The following CUX1 variants were observed in gnomAD, a reference collection of about 807,000 sequenced individuals.
The protein encoded by CUX1 is protein CASP.
CUX1 carries 31 observed loss-of-function variants against 158.8 expected under a neutral mutation model. That is an observed-to-expected ratio of 0.20 (90% CI 0.15 to 0.26). The LOEUF (loss-of-function observed/expected upper bound fraction) is 0.26, where lower values mean the gene tolerates loss of function less well. CUX1 is among the 10% of genes least tolerant of loss of function. The pLI, the probability that CUX1 is intolerant of heterozygous loss-of-function variation, is 1.00. For missense variants in CUX1, 1,589 were observed against 2,014.6 expected (o/e 0.79, Z 4.04); for synonymous variants, 879 against 862.1 (o/e 1.02, Z -0.34).
At chr7:102,071,286 A>G (rs2130593163) in intron 4 of CUX1, among the ~76,000 whole-genome samples, 1 of 152,280 alleles carries the variant, frequency 6.6e-6, no homozygotes, top group African/African-American at 2.4e-5. Context: ...GAGGGATTGA[A>G]GAATTAAAAT....
At position 101,821,629 on chromosome 7, in the gene CUX1, T is replaced by C. The variant is rs199913979; in HGVS notation, c.30+3960T>C. ...CTGGGATTACAGGCGTGAGCCACCG[T>C]GCCCGGCCCCTATTTTCTTTTCTTT... On this transcript the variant is annotated intron_variant, in intron 1 of 23. Coordinates refer to ENST00000292535, the MANE Select transcript of CUX1 (RefSeq NM_181552.4). Among the ~76,000 whole-genome samples, 358 of 146,212 alleles carry C rather than the reference T, an allele frequency of 2.4e-3. 2 individuals carry two copies. Among genetic ancestry groups the C allele is most frequent in the East Asian group, 0.021 (97 of 4,708 alleles).
At chr7:101,873,179 T>C (rs1798767340) in intron 1 of CUX1, among the ~76,000 whole-genome samples, 2 of 66,720 alleles carry the variant, frequency 3.0e-5, no homozygotes, top group South Asian at 4.0e-4. Flanking sequence ...CCTCAGCTTC[T>C]TTTTTTTTTT....
In CUX1 at chr7:102,217,129, G is replaced by A. The variant is rs543066829; in HGVS notation, c.3131-10238G>A. On this transcript the variant is annotated intron_variant, in intron 20 of 23. Coordinates refer to ENST00000292535, the MANE Select transcript of CUX1 (RefSeq NM_181552.4). The stretch of plus-strand genomic sequence containing the variant: ...TAAATCAGTATGGATCTGCAGAAAA[G>A]CCGGAACAAGGCGAGCCTGTGCCCC... 2.6e-5 allele frequency among the ~76,000 whole-genome samples: 4 copies of A among 152,350 alleles called. No homozygotes were observed. The South Asian group carries it at 8.3e-4, about 32-fold the overall frequency.
At chr7:101,874,802 G>A (rs1309631764) in intron 1 of CUX1, among the ~76,000 whole-genome samples, 2 of 152,214 alleles carry the variant, frequency 1.3e-5, no homozygotes, top group African/African-American at 2.4e-5. Flanking sequence ...AGGGTACCAC[G>A]TGGTTGATAC....
At chr7:102,106,737 A>G (rs75626079) in intron 6 of CUX1, among the ~76,000 whole-genome samples, 6 of 152,110 alleles carry the variant, frequency 3.9e-5, no homozygotes, top group Non-Finnish European at 1.5e-5. Flanking sequence ...GGGCAGTCCT[A>G]CCTCACGAGA....
At chr7:101,982,190 A>T (rs1338392218) in intron 2 of CUX1, among the ~76,000 whole-genome samples, 1 of 152,204 alleles carries the variant, frequency 6.6e-6, no homozygotes, top group African/African-American at 2.4e-5. Flanking sequence ...GTTTCCCCTG[A>T]GAGCTTTCTC....
At chr7:102,100,019 C>T (rs1000591671) in intron 5 of CUX1, among the ~76,000 whole-genome samples, 1 of 152,130 alleles carries the variant, frequency 6.6e-6, no homozygotes, top group Non-Finnish European at 1.5e-5. Context: ...GCGACTCACG[C>T]CTATAATCCC....
chr7:102,226,505 C>A (rs1330981390), intron 20 of CUX1, among the ~76,000 whole-genome samples: 3 of 152,182 alleles, frequency 2.0e-5, no homozygotes, highest in African/African-American at 4.8e-5. Flanking sequence ...CACTGCACTC[C>A]AGCCTGGGCC....
chr7:102,236,720 C>A (rs1209229523), intron 22 of CUX1, among the ~76,000 whole-genome samples: 1 of 152,230 alleles, frequency 6.6e-6, no homozygotes, highest in Non-Finnish European at 1.5e-5. Context: ...GGAGGCAGCC[C>A]TCAGCCCTTA....
chr7:101,877,928 C>CAA (rs1200346666), intron 1 of CUX1, among the ~76,000 whole-genome samples: 43 of 152,262 alleles, frequency 2.8e-4, no homozygotes, highest in African/African-American at 1.0e-3. Context: ...GACACAGGTG[C>CAA]AAGCTTATCT....
chr7:102,277,933 G>GCGTT, intron 17 of CUX1: 1 of 799,644 alleles, frequency 1.3e-6, no homozygotes, highest in Non-Finnish European at 1.8e-6. Flanking sequence ...CCCTTTCCTT[G>GCGTT]CCCCTCCCCC....
chr7:102,235,335 G>A (rs1799437282), intron 22 of CUX1, among the ~76,000 whole-genome samples: 1 of 152,202 alleles, frequency 6.6e-6, no homozygotes, highest in Non-Finnish European at 1.5e-5. Flanking sequence ...CTGGGAACCA[G>A]CTGCTGCCGG....
chr7:102,110,916 A>G (rs1249867976), intron 6 of CUX1, among the ~76,000 whole-genome samples: 1 of 152,148 alleles, frequency 6.6e-6, no homozygotes, highest in Non-Finnish European at 1.5e-5. Flanking sequence ...GTCATATTTG[A>G]TTACATCCCT....
In CUX1 at chr7:101,997,069, C is replaced by T. The variant is rs529744873; in HGVS notation, c.142-31029C>T. Among the ~76,000 whole-genome samples, 177 of 152,244 alleles carry T rather than the reference C, an allele frequency of 1.2e-3. 6 individuals are homozygous for T. The highest frequency in any genetic ancestry group is 4.1e-3 in the African/African-American group (172 of 41,496). On this transcript the variant is annotated intron_variant, in intron 2 of 23. Coordinates refer to ENST00000292535, the MANE Select transcript of CUX1 (RefSeq NM_181552.4). The stretch of plus-strand genomic sequence containing the variant: ...TGTCTTGTGTCCTCTGACCGCCCAT[C>T]AGGGCCTGCCCATGGGGCTCTGTCT...
At chr7:102,161,844 G>A (rs1208267129) in intron 9 of CUX1, among the ~76,000 whole-genome samples, 2 of 152,128 alleles carry the variant, frequency 1.3e-5, no homozygotes, top group African/African-American at 4.8e-5. Flanking sequence ...CTGACCTCAG[G>A]TGATCTGCCC....
chr7:102,190,009 C>G (rs774456642), intron 12 of CUX1, 138 bp downstream of exon 12: 15 of 859,380 alleles, frequency 1.7e-5, no homozygotes, highest in Middle Eastern at 3.4e-4. Context: ...AGCCAGAGTT[C>G]TACCACTGCA....
At chr7:101,935,802 C>G (rs1806855197) in intron 2 of CUX1, among the ~76,000 whole-genome samples, 2 of 152,174 alleles carry the variant, frequency 1.3e-5, no homozygotes, top group African/African-American at 4.8e-5. Context: ...TTCACTCTGT[C>G]TGAGGCTTTG....
At chr7:102,104,232 G>A in intron 5 of CUX1, 104 bp from the exon 6 acceptor site, 2 of 1,172,786 alleles carry the variant, frequency 1.7e-6, no homozygotes, top group South Asian at 2.9e-5. Context: ...AAGAGCTAAG[G>A]TTTAAAACAC....
intron 1 of CUX1, among the ~76,000 whole-genome samples, chr7:101,912,352 C>T (rs1457385051): frequency 1.3e-5 from 2 of 152,010 alleles, no homozygotes; most frequent in African/African-American, 2.4e-5. Flanking sequence ...TCACTTCTTG[C>T]ATCACCAGAC....
Sources: gnomAD v4.1 joint callset for allele counts (sites outside exome capture counted in the v4.1 genomes callset) on GRCh38, gnomAD v4.1.1 for gene constraint, MANE v1.5 for transcripts, NCBI Gene and HGNC (gene_info 2026-07-23, HGNC 2026-07-21) for gene names.